NFATC1: variants seen among roughly 807,000 people sequenced by gnomAD.
NFATC1 encodes nuclear factor of activated T cells 1.
A neutral mutation model predicts 76.0 loss-of-function variants in NFATC1; 22 were observed. That is an observed-to-expected ratio of 0.29 (90% CI 0.21 to 0.41). The LOEUF (loss-of-function observed/expected upper bound fraction) is 0.41, where lower values mean the gene tolerates loss of function less well. NFATC1 is among the 10% of genes least tolerant of loss of function. The probability of loss-of-function intolerance (pLI) is 1.00; values close to 1 mark genes in which losing one functional copy is unlikely to be tolerated. For synonymous variants in NFATC1, 704 were observed against 613.1 expected, an observed-to-expected ratio of 1.15 and a Z score of -2.19; for missense variants, 1,357 against 1,337.7, an observed-to-expected ratio of 1.01 and a Z score of -0.23.
At chr18:79,416,948 G>A (rs552210108) in intron 2 of NFATC1, among the ~76,000 whole-genome samples, 7 of 152,316 alleles carry the variant, frequency 4.6e-5, no homozygotes, top group African/African-American at 1.7e-4. Flanking sequence ...TGGGTACTGG[G>A]CTGGGCTGGC....
At position 79,486,591 on chromosome 18, in the gene NFATC1, C is replaced by A; in HGVS notation, c.2436C>A (p.Gly812=). The A allele has an allele frequency of 6.3e-7, 1 of 1,589,792 alleles. No individual in the cohort carries two copies. Among genetic ancestry groups the A allele is most frequent in the South Asian group, 1.1e-5 (1 of 89,640 alleles). Residue 812 remains glycine, a synonymous_variant, in exon 9 of 10, where the codon GGC becomes GGA. Coordinates refer to ENST00000427363, the MANE Select transcript of NFATC1 (RefSeq NM_001278669.2). ...DVPRPVATHP[G]SPGQPPPALL... The stretch of plus-strand genomic sequence containing the variant: ...CCAGGCCAGTGGCCACGCACCCCGG[C>A]TCGCCCGGGCAGCCACCCCCGGCCC...
intron 9 of NFATC1, among the ~76,000 whole-genome samples, chr18:79,512,180 G>A (rs572860163): frequency 6.6e-6 from 1 of 151,662 alleles, no homozygotes; most frequent in Admixed American, 6.6e-5. Flanking sequence ...ACACGGCCTC[G>A]CCCCAGGACA....
At chr18:79,484,163 C>T (rs548918181) in intron 8 of NFATC1, among the ~76,000 whole-genome samples, 38 of 152,222 alleles carry the variant, frequency 2.5e-4, no homozygotes, top group Admixed American at 2.2e-3. Context: ...CTGGGCACCA[C>T]TGCAGAGGCA....
intron 2 of NFATC1, among the ~76,000 whole-genome samples, chr18:79,423,101 T>C (rs1404665426): frequency 6.9e-6 from 1 of 145,504 alleles, no homozygotes; most frequent in East Asian, 2.0e-4. Context: ...CCTGGGAGGG[T>C]TGGGGCGCGT....
chr18:79,448,685 C>T, intron 3 of NFATC1, 97 bp from the exon 4 acceptor site: 1 of 1,188,872 alleles, frequency 8.4e-7, no homozygotes. Flanking sequence ...CAGGGGGACA[C>T]AGGCCTCGAA....
At chr18:79,450,933 G>A (rs1600751049) in intron 4 of NFATC1, 21 bp from the exon 5 acceptor site, 2 of 1,605,148 alleles carry the variant, frequency 1.2e-6, no homozygotes, top group African/African-American at 1.3e-5. Flanking sequence ...AAGAAAAGCT[G>A]TGGGCTTTTG....
In NFATC1 at chr18:79,479,335, GC is replaced by G. The variant is rs1019049750; in HGVS notation, c.2093-6908del. Among the ~76,000 whole-genome samples the G allele has an allele frequency of 6.6e-5, 10 of 152,108 alleles. 1 individual carries two copies. The highest frequency in any genetic ancestry group is 1.5e-4 in the Non-Finnish European group (10 of 68,002). On this transcript the variant is annotated intron_variant, in intron 8 of 9. Transcript: ENST00000427363. Reference sequence around the variant, plus strand: ...CAACAGCTTGAACTGGGCCTGTGCGGCCCCCTCCACGGGCGACAGCGTGAAC... The same window carrying G: ...CAACAGCTTGAACTGGGCCTGTGCGGCCCCTCCACGGGCGACAGCGTGAAC...
chr18:79,476,387 G>A (rs543772874), intron 8 of NFATC1, among the ~76,000 whole-genome samples: 19 of 152,386 alleles, frequency 1.2e-4, no homozygotes, highest in African/African-American at 4.3e-4. Context: ...GAGGATTGGC[G>A]AAAGCCGACC....
intron 9 of NFATC1, among the ~76,000 whole-genome samples, chr18:79,518,683 G>A (rs977517850): frequency 7.2e-5 from 11 of 152,252 alleles, no homozygotes; most frequent in African/African-American, 1.4e-4. Flanking sequence ...GCTACTCACC[G>A]CAGTGTGAGG....
intron 9 of NFATC1, among the ~76,000 whole-genome samples, chr18:79,495,294 A>G (rs1440479952): frequency 6.6e-6 from 1 of 152,184 alleles, no homozygotes; most frequent in African/African-American, 2.4e-5. Flanking sequence ...GGGGCCTGTG[A>G]GGTTCTGGGC....
In NFATC1 at chr18:79,410,872, C is replaced by T. The variant is rs1458299519; in HGVS notation, c.597C>T (p.Ser199=). The T allele has an allele frequency of 1.2e-6, 2 of 1,609,230 alleles. No individual in the cohort carries two copies. The highest frequency in any genetic ancestry group is 2.2e-5 in the East Asian group (1 of 44,816). ...CCAACTACTCGTACCCGTACGCGTC[C>T]CCCCAGACGTCGCCATGGCAGTCTC... ...YESNYSYPYA[S]PQTSPWQSPC... Residue 199 remains serine, a synonymous_variant, in exon 2 of 10, where the codon TCC becomes TCT. Transcript: ENST00000427363. The surrounding 1 kb of genome is among the most constrained non-coding windows in gnomAD (Gnocchi z 6.7).
Position 79,486,528 on chromosome 18 carries a change from G to C in NFATC1, c.2373G>C (p.Pro791=), listed in dbSNP as rs775995944. 1.3e-6 allele frequency: 2 copies of C among 1,598,556 alleles called. No homozygotes were observed. Among genetic ancestry groups the C allele is most frequent in the East Asian group, 4.5e-5 (2 of 44,708 alleles). The stretch of plus-strand genomic sequence containing the variant: ...CGGGCCACTGTCACCTCGGACTCCC[G>C]CAGCCGGCCGGAGAGGCCCCCGCCG... ...ASPGHCHLGL[P]QPAGEAPAVQ... Residue 791 remains proline (P), a synonymous_variant, in exon 9 of 10, where the codon CCG becomes CCC. Coordinates refer to ENST00000427363, the MANE Select transcript of NFATC1 (RefSeq NM_001278669.2).
At chr18:79,459,612 T>C (rs1212508339) in intron 6 of NFATC1, among the ~76,000 whole-genome samples, 1 of 152,160 alleles carries the variant, frequency 6.6e-6, no homozygotes, top group African/African-American at 2.4e-5. Flanking sequence ...CTAGGGAAGC[T>C]GAAGTTGTGA....
chr18:79,462,079 A>G (rs61622160), intron 7 of NFATC1, among the ~76,000 whole-genome samples: 21,280 of 152,140 alleles, frequency 0.14, 4,746 homozygotes, highest in African/African-American at 0.47. Context: ...CCGCGTGCAT[A>G]CAGCCGGTGC....
At chr18:79,435,077 C>T (rs541781119) in intron 3 of NFATC1, among the ~76,000 whole-genome samples, 69 of 152,218 alleles carry the variant, frequency 4.5e-4, no homozygotes, top group Non-Finnish European at 9.1e-4. Context: ...TTTTACTGAC[C>T]GAAAGCTTGT....
chr18:79,506,806 G>A (rs528802103), intron 9 of NFATC1, among the ~76,000 whole-genome samples: 2 of 152,268 alleles, frequency 1.3e-5, no homozygotes, highest in South Asian at 2.1e-4. Flanking sequence ...GGGTGGTTCT[G>A]TGTTGCATTA....
At chr18:79,488,213 G>A (rs1660165) in intron 9 of NFATC1, among the ~76,000 whole-genome samples, 80,471 of 151,438 alleles carry the variant, frequency 0.53, 22,757 homozygotes, top group Middle Eastern at 0.68. Context: ...AAATATTTTA[G>A]CCCCCAAAAT....
Position 79,527,693 on chromosome 18 carries a change from A to G in NFATC1, c.*116A>G. Reference sequence around the variant, plus strand: ...CCACTCAGAACCTCCAACTGACTGAATGCCAGGAGCTGAACATTAATATGT... The same window carrying G: ...CCACTCAGAACCTCCAACTGACTGAGTGCCAGGAGCTGAACATTAATATGT... On this transcript the variant is annotated 3_prime_UTR_variant, in exon 10 of 10. Coordinates refer to ENST00000427363, the MANE Select transcript of NFATC1 (RefSeq NM_001278669.2). The G allele has an allele frequency of 1.1e-6, 1 of 907,980 alleles. No homozygotes were observed. The highest frequency in any genetic ancestry group is 1.8e-6 in the Non-Finnish European group (1 of 562,310). 56.2% of individuals were successfully genotyped at this position (907,980 alleles called of 1,614,324 possible).
chr18:79,463,705 C>A (rs2088270806), intron 7 of NFATC1, among the ~76,000 whole-genome samples: 1 of 152,260 alleles, frequency 6.6e-6, no homozygotes, highest in Admixed American at 6.5e-5. Flanking sequence ...TGACATCTGG[C>A]TCTCCGTCCC....
Sources: gnomAD v4.1 joint callset for allele counts (sites outside exome capture counted in the v4.1 genomes callset) on GRCh38, gnomAD v4.1.1 for gene constraint, Gnocchi (gnomAD v3.1) non-coding constraint, MANE v1.5 for transcripts, NCBI Gene and HGNC (gene_info 2026-07-23, HGNC 2026-07-21) for gene names.